The following ADGRL2 variants were observed in gnomAD, a reference collection of about 807,000 sequenced individuals.
ADGRL2 encodes adhesion G protein-coupled receptor L2.
A neutral mutation model predicts 157.4 loss-of-function variants in ADGRL2; 44 were observed. The observed-to-expected ratio is 0.28, with a 90% confidence interval of 0.22 to 0.36. The LOEUF is 0.36. ADGRL2 is among the 10% of genes least tolerant of loss of function. The pLI, the probability that ADGRL2 is intolerant of heterozygous loss-of-function variation, is 1.00. For missense variants in ADGRL2, 1,510 were observed against 1,768.9 expected, an observed-to-expected ratio of 0.85 and a Z score of 2.63; for synonymous variants, 585 against 624.7, an observed-to-expected ratio of 0.94 and a Z score of 0.95.
At chr1:81,428,191 G>C (rs2077253655) in intron 1 of ADGRL2, among the ~76,000 whole-genome samples, 1 of 152,124 alleles carries the variant, frequency 6.6e-6, no homozygotes, top group South Asian at 2.1e-4. Context: ...ACCATGACAT[G>C]AATGGGTGCT....
At chr1:81,320,338 T>G (rs2100614313) in intron 1 of ADGRL2, among the ~76,000 whole-genome samples, 1 of 152,324 alleles carries the variant, frequency 6.6e-6, no homozygotes, top group South Asian at 2.1e-4. Context: ...CAAACTCCTG[T>G]TAATGTTGCC....
At chr1:81,361,207 C>G (rs2075972658) in intron 1 of ADGRL2, among the ~76,000 whole-genome samples, 1 of 151,924 alleles carries the variant, frequency 6.6e-6, no homozygotes, top group Non-Finnish European at 1.5e-5. Context: ...ATTATTCCCT[C>G]TGAGTGGCGA....
chr1:81,529,390 G>A (rs1168244221), intron 2 of ADGRL2, among the ~76,000 whole-genome samples: 3 of 152,208 alleles, frequency 2.0e-5, no homozygotes, highest in African/African-American at 7.2e-5. Context: ...TGCTAGTAAC[G>A]GACTGCAGAA....
intron 3 of ADGRL2, among the ~76,000 whole-genome samples, chr1:81,932,166 A>G (rs1451832635): frequency 2.0e-5 from 3 of 152,210 alleles, no homozygotes; most frequent in African/African-American, 7.2e-5. Context: ...AGAACATAGT[A>G]TATTTTTACA....
At chr1:81,658,159 A>C (rs1002207431) in intron 3 of ADGRL2, among the ~76,000 whole-genome samples, 1 of 152,114 alleles carries the variant, frequency 6.6e-6, no homozygotes. Context: ...GCAGTGGTGC[A>C]GTCTTGGCTC....
intron 2 of ADGRL2, among the ~76,000 whole-genome samples, chr1:81,895,594 C>A (rs1037533584): frequency 1.3e-5 from 2 of 151,834 alleles, no homozygotes; most frequent in Non-Finnish European, 2.9e-5. Flanking sequence ...GGGGTTTCAC[C>A]ATGTTGGCCA....
Position 81,680,651 on chromosome 1 carries a change from T to C in ADGRL2, c.-142-81160T>C, listed in dbSNP as rs1049948486. ...GCTGTTTTCTCCATTATTTAATCTC[T>C]AACAGAAATTGACTTTGCCGCTCGA... On this transcript the variant is annotated intron_variant, in intron 3 of 24. Transcript: ENST00000370721. Among the ~76,000 whole-genome samples the C allele has an allele frequency of 7.0e-4, 106 of 152,018 alleles. 1 individual carries two copies. The highest frequency in any genetic ancestry group is 1.3e-3 in the Non-Finnish European group (87 of 68,008).
intron 2 of ADGRL2, among the ~76,000 whole-genome samples, chr1:81,787,109 G>T (rs2087088425): frequency 6.6e-6 from 1 of 152,036 alleles, no homozygotes; most frequent in Non-Finnish European, 1.5e-5. Context: ...CATGTAAGAA[G>T]TGCCTTTCAC....
intron 1 of ADGRL2, among the ~76,000 whole-genome samples, chr1:81,392,651 A>G (rs1448618447): frequency 6.6e-6 from 1 of 152,144 alleles, no homozygotes; most frequent in Non-Finnish European, 1.5e-5. Flanking sequence ...TTATTAAGAG[A>G]CCATGCCCAA....
chr1:81,327,822 T>A (rs929020809), intron 1 of ADGRL2, among the ~76,000 whole-genome samples: 3 of 152,154 alleles, frequency 2.0e-5, no homozygotes, highest in African/African-American at 7.2e-5. Context: ...GAATCAATAC[T>A]AAATACCGTT....
At chr1:81,539,806 G>A (rs1006181166) in intron 2 of ADGRL2, among the ~76,000 whole-genome samples, 20 of 145,520 alleles carry the variant, frequency 1.4e-4, no homozygotes, top group Middle Eastern at 3.5e-3. Flanking sequence ...CAATGAAAAG[G>A]GAAAAGATTA....
upstream of ADGRL2, among the ~76,000 whole-genome samples, chr1:81,695,928 C>T (rs978288734): frequency 5.3e-5 from 8 of 151,992 alleles, no homozygotes; most frequent in African/African-American, 1.9e-4. Context: ...CAGTATCTCA[C>T]TTCCATTCTT....
At chr1:81,513,215 A>T (rs558278893) in intron 2 of ADGRL2, among the ~76,000 whole-genome samples, 125 of 152,230 alleles carry the variant, frequency 8.2e-4, no homozygotes, top group African/African-American at 2.9e-3. Flanking sequence ...CAATTTGCTG[A>T]GGACAAAGCT....
intron 3 of ADGRL2, among the ~76,000 whole-genome samples, chr1:81,669,891 C>T (rs1033264441): frequency 1.4e-5 from 2 of 142,332 alleles, no homozygotes; most frequent in South Asian, 2.2e-4. Flanking sequence ...TGCAGTGAGT[C>T]GAGATCAAGC....
intron 3 of ADGRL2, among the ~76,000 whole-genome samples, chr1:81,584,465 TG>T (rs1570570258): frequency 6.6e-6 from 1 of 152,216 alleles, no homozygotes; most frequent in African/African-American, 2.4e-5. Flanking sequence ...ACTTAAAATT[TG>T]GTCTGCAGCT....
intron 2 of ADGRL2, among the ~76,000 whole-genome samples, chr1:81,480,951 G>C (rs1041344976): frequency 7.2e-5 from 11 of 152,208 alleles, no homozygotes; most frequent in African/African-American, 2.6e-4. Flanking sequence ...TCCTTTAAGG[G>C]TTAGATCATA....
chr1:81,980,322 A>G (rs1661291591), intron 18 of ADGRL2, among the ~76,000 whole-genome samples: 1 of 151,718 alleles, frequency 6.6e-6, no homozygotes, highest in Non-Finnish European at 1.5e-5. Context: ...GATTCTGAGC[A>G]GTTTCCACTC....
Position 81,321,989 on chromosome 1 carries a change from A to G in ADGRL2, c.-302+15480A>G, listed in dbSNP as rs112761082. On this transcript the variant is annotated intron_variant, in intron 1 of 24. Transcript: ENST00000370721. ...ACTAACATTTTTAAAAGCAAATGCT[A>G]AAATTTAAAAAACAAGTTTATTTAA... Among the ~76,000 whole-genome samples the G allele has an allele frequency of 2.4e-3, 364 of 151,330 alleles. 1 individual carries two copies. Among genetic ancestry groups the G allele is most frequent in the African/African-American group, 8.4e-3 (346 of 41,346 alleles).
intron 2 of ADGRL2, among the ~76,000 whole-genome samples, chr1:81,482,399 T>TA (rs144358523): frequency 0.041 from 6,249 of 152,138 alleles, 432 homozygotes; most frequent in African/African-American, 0.14. Flanking sequence ...TAGAACAACT[T>TA]AAAAAAAATT....
Sources: allele counts gnomAD v4.1 joint callset (sites outside exome capture counted in the v4.1 genomes callset), GRCh38; gene constraint gnomAD v4.1.1; transcripts MANE v1.5; gene names NCBI Gene and HGNC (gene_info 2026-07-23, HGNC 2026-07-21).